Variants in CADPS observed in about 807,000 individuals in gnomAD.
CADPS encodes the protein calcium dependent secretion activator, also known as calcium-dependent secretion activator 1.
A neutral mutation model predicts 167.3 loss-of-function variants in CADPS; 57 were observed. That is an observed-to-expected ratio of 0.34 (90% CI 0.28 to 0.42). The LOEUF is 0.42. CADPS is among the 20% of genes least tolerant of loss of function. CADPS has a pLI of 1.00. For synonymous variants in CADPS, 676 were observed against 635.3 expected, an observed-to-expected ratio of 1.06 and a Z score of -0.96; for missense variants, 1,414 against 1,738.1, an observed-to-expected ratio of 0.81 and a Z score of 3.32.
intron 3 of CADPS, among the ~76,000 whole-genome samples, chr3:62,665,889 TA>T (rs1209754735): frequency 6.6e-6 from 1 of 152,184 alleles, no homozygotes; most frequent in Non-Finnish European, 1.5e-5. Context: ...ACAACGGATA[TA>T]AAGGGCTTAG....
At chr3:62,775,800 C>T (rs1209529203) in intron 1 of CADPS, among the ~76,000 whole-genome samples, 1 of 151,756 alleles carries the variant, frequency 6.6e-6, no homozygotes, top group Non-Finnish European at 1.5e-5. Context: ...GTTACCATTT[C>T]ACTGTATAGA....
At chr3:62,538,289 G>C (rs769967819) in intron 11 of CADPS, among the ~76,000 whole-genome samples, 4 of 152,080 alleles carry the variant, frequency 2.6e-5, no homozygotes, top group Non-Finnish European at 5.9e-5. Context: ...GGGAAAGCTA[G>C]CTGCTTCTAG....
chr3:62,851,527 C>T (rs1437011499), intron 1 of CADPS, among the ~76,000 whole-genome samples: 1 of 147,424 alleles, frequency 6.8e-6, no homozygotes, highest in African/African-American at 2.5e-5. Context: ...TTCTCCTTCA[C>T]TTATGAAGCT....
chr3:62,790,959 CT>C (rs35894606), intron 1 of CADPS, among the ~76,000 whole-genome samples: 231 of 143,812 alleles, frequency 1.6e-3, no homozygotes, highest in Admixed American at 3.6e-3. Context: ...AAAATGGTGA[CT>C]TTTTTTTTTA....
intron 6 of CADPS, among the ~76,000 whole-genome samples, chr3:62,596,086 TATAC>T (rs1562647622): frequency 8.8e-6 from 1 of 114,222 alleles, no homozygotes; most frequent in Non-Finnish European, 1.7e-5. Context: ...TATATATATG[TATAC>T]ACACACACAC....
At chr3:62,598,619 A>T (rs2059257542) in intron 6 of CADPS, among the ~76,000 whole-genome samples, 1 of 152,208 alleles carries the variant, frequency 6.6e-6, no homozygotes, top group African/African-American at 2.4e-5. Flanking sequence ...ATCATTTGAA[A>T]GCCTCTTGGA....
chr3:62,787,999 C>A lies in CADPS; in HGVS notation c.442-22015G>T, dbSNP rs1023967717. On this transcript the variant is annotated intron_variant, in intron 1 of 29. Coordinates refer to ENST00000383710, the MANE Select transcript of CADPS (RefSeq NM_003716.4). ...AATATAATAATAAAATATAAGTAATCTTCAATGTGTCTTTAATGTGTTTCT... is the reference window on the plus strand; with the variant it reads ...AATATAATAATAAAATATAAGTAATATTCAATGTGTCTTTAATGTGTTTCT... 5.3e-5 allele frequency among the ~76,000 whole-genome samples: 8 copies of A among 152,094 alleles called. No homozygotes were observed. In the South Asian group the frequency reaches 1.4e-3, roughly 28 times the overall value.
chr3:62,569,378 A>C lies in CADPS; in HGVS notation c.1644+1494T>G, dbSNP rs976974661. On this transcript the variant is annotated intron_variant, in intron 9 of 29. Coordinates refer to ENST00000383710, the MANE Select transcript of CADPS (RefSeq NM_003716.4). ...CGGCTTCCCAAAGTGCTGGGATTACAGGCGTGAGCCACCGTGCTGGGCAGC... is the reference window on the plus strand; with the variant it reads ...CGGCTTCCCAAAGTGCTGGGATTACCGGCGTGAGCCACCGTGCTGGGCAGC... 7.9e-5 allele frequency among the ~76,000 whole-genome samples: 12 copies of C among 152,352 alleles called. No homozygotes were observed. The East Asian group carries it at 2.3e-3, about 29-fold the overall frequency.
chr3:62,775,288 A>T (rs1377500802), intron 1 of CADPS, among the ~76,000 whole-genome samples: 1 of 152,054 alleles, frequency 6.6e-6, no homozygotes, highest in Non-Finnish European at 1.5e-5. Context: ...CCTGGCCTCA[A>T]ACAATCTGCC....
chr3:62,430,691 A>G (rs1370015298), intron 28 of CADPS, among the ~76,000 whole-genome samples: 1 of 151,940 alleles, frequency 6.6e-6, no homozygotes, highest in African/African-American at 2.4e-5. Flanking sequence ...CACACACCCT[A>G]TTTTAAAATA....
intron 3 of CADPS, among the ~76,000 whole-genome samples, chr3:62,672,804 G>C (rs896309497): frequency 3.3e-5 from 5 of 152,074 alleles, no homozygotes; most frequent in Non-Finnish European, 5.9e-5. Context: ...ATTTTTCGTA[G>C]AGACGGGGTC....
chr3:62,818,687 G>A (rs952657652), intron 1 of CADPS, among the ~76,000 whole-genome samples: 4 of 152,176 alleles, frequency 2.6e-5, no homozygotes, highest in Non-Finnish European at 4.4e-5. Context: ...CTATTTACCT[G>A]AGACATGGAA....
chr3:62,862,472 G>T (rs909236647), intron 1 of CADPS, among the ~76,000 whole-genome samples: 2 of 152,066 alleles, frequency 1.3e-5, no homozygotes, highest in African/African-American at 4.8e-5. Context: ...GCCTCCCAAA[G>T]ACCTGGGATT....
At chr3:62,627,326 C>A (rs116399395) in intron 6 of CADPS, among the ~76,000 whole-genome samples, 2,207 of 152,146 alleles carry the variant, frequency 0.015, 55 homozygotes, top group African/African-American at 0.05. Context: ...TTTTAATTTT[C>A]TAGTGCTTTA....
chr3:62,568,975 G>C (rs1384618348), intron 9 of CADPS, among the ~76,000 whole-genome samples: 2 of 152,162 alleles, frequency 1.3e-5, no homozygotes, highest in Non-Finnish European at 2.9e-5. Flanking sequence ...AGACCTGATA[G>C]TTCTCCATGT....
chr3:62,873,777 A>C (rs2083099154), intron 1 of CADPS, among the ~76,000 whole-genome samples: 1 of 152,144 alleles, frequency 6.6e-6, no homozygotes, highest in Non-Finnish European at 1.5e-5. Flanking sequence ...CAGGCGAGCC[A>C]GAAGGTGGCG....
intron 1 of CADPS, among the ~76,000 whole-genome samples, chr3:62,812,981 T>G (rs935240872): frequency 6.6e-6 from 1 of 152,058 alleles, no homozygotes; most frequent in African/African-American, 2.4e-5. Context: ...TAAACACAAA[T>G]GGAAAAATAT....
chr3:62,788,367 CAACT>C (rs1383583707), intron 1 of CADPS, among the ~76,000 whole-genome samples: 1 of 152,056 alleles, frequency 6.6e-6, no homozygotes, highest in African/African-American at 2.4e-5. Context: ...AGATAAAAAC[CAACT>C]GAGTTAAGAA....
chr3:62,683,308 G>A (rs1388961606), intron 3 of CADPS, among the ~76,000 whole-genome samples: 2 of 152,050 alleles, frequency 1.3e-5, no homozygotes, highest in African/African-American at 4.8e-5. Flanking sequence ...TGGATTGGAA[G>A]GGTTAAGGGT....
Sources: allele counts gnomAD v4.1 joint callset (sites outside exome capture counted in the v4.1 genomes callset), GRCh38; gene constraint gnomAD v4.1.1; transcripts MANE v1.5; gene names NCBI Gene and HGNC (gene_info 2026-07-23, HGNC 2026-07-21).